OTUD7A: variants seen among roughly 807,000 people sequenced by gnomAD.
The protein encoded by OTUD7A is OTU domain-containing protein 7A.
In OTUD7A, 12 loss-of-function variants were observed where a neutral mutation model predicts 65.7. The ratio of observed to expected loss-of-function variants is 0.18; its 90% CI spans 0.12 to 0.30. The LOEUF (loss-of-function observed/expected upper bound fraction) is 0.30. OTUD7A is among the 10% of genes least tolerant of loss of function. The pLI is 1.00. For missense variants in OTUD7A, 1,148 were observed against 1,304.8 expected (o/e 0.88, Z 1.85); for synonymous variants, 641 against 586.3 (o/e 1.09, Z -1.35).
chr15:31,519,475 A>G (rs1320390481), intron 8 of OTUD7A, among the ~76,000 whole-genome samples: 1 of 152,222 alleles, frequency 6.6e-6, no homozygotes, highest in African/African-American at 2.4e-5. Flanking sequence ...AATCCTCAAC[A>G]AACTAGGCAT....
At chr15:31,860,691 A>ATATATATATATATATATATG (rs1897712778) in intron 1 of OTUD7A, among the ~76,000 whole-genome samples, 2 of 128,496 alleles carry the variant, frequency 1.6e-5, no homozygotes, top group Non-Finnish European at 3.3e-5. Context: ...ATATATATAT[A>ATATATATATATATATATATG]TATATATATG....
At chr15:31,754,645 T>C (rs1426705874) in intron 1 of OTUD7A, among the ~76,000 whole-genome samples, 1 of 152,180 alleles carries the variant, frequency 6.6e-6, no homozygotes, top group African/African-American at 2.4e-5. Context: ...TTGTTTGCTT[T>C]GTTGAAGATC....
chr15:31,620,820 G>A (rs1890755783), intron 3 of OTUD7A, among the ~76,000 whole-genome samples: 1 of 105,924 alleles, frequency 9.4e-6, no homozygotes, highest in Non-Finnish European at 1.7e-5. Flanking sequence ...TTTTGAATGT[G>A]TTTGCTCTTG....
intron 8 of OTUD7A, among the ~76,000 whole-genome samples, chr15:31,509,968 T>C (rs773232487): frequency 1.2e-4 from 18 of 152,098 alleles, no homozygotes; most frequent in Non-Finnish European, 2.5e-4. Flanking sequence ...TTTGCATTTA[T>C]TTTTCTCTCC....
chr15:31,635,327 A>G (rs112726139), intron 3 of OTUD7A, among the ~76,000 whole-genome samples: 3,151 of 152,278 alleles, frequency 0.021, 102 homozygotes, highest in African/African-American at 0.073. Flanking sequence ...ACTGCCCTCA[A>G]TTTTACAGAT....
intron 3 of OTUD7A, among the ~76,000 whole-genome samples, chr15:31,628,496 C>A (rs905512755): frequency 5.9e-5 from 9 of 152,212 alleles, no homozygotes; most frequent in African/African-American, 1.7e-4. Context: ...GTTACTGTAG[C>A]CTTGTAGTAT....
At chr15:31,642,559 C>G (rs1339985078) in intron 3 of OTUD7A, among the ~76,000 whole-genome samples, 3 of 151,710 alleles carry the variant, frequency 2.0e-5, no homozygotes, top group Non-Finnish European at 4.4e-5. Context: ...ACTTAGATTT[C>G]TTTAATAAAT....
chr15:31,766,272 T>C (rs1315052014), intron 1 of OTUD7A: 16 of 1,600,632 alleles, frequency 1.0e-5, no homozygotes, highest in Admixed American at 3.3e-5. Context: ...CATTGCATCA[T>C]GAAGTTTGGG....
chr15:31,817,595 T>C (rs116838084), intron 1 of OTUD7A, among the ~76,000 whole-genome samples: 3,457 of 152,278 alleles, frequency 0.023, 134 homozygotes, highest in African/African-American at 0.079. Flanking sequence ...TCAGGACATG[T>C]TGGCAATTTC....
chr15:31,857,771 C>T (rs1897615302), intron 1 of OTUD7A, among the ~76,000 whole-genome samples: 1 of 152,186 alleles, frequency 6.6e-6, no homozygotes, highest in Non-Finnish European at 1.5e-5. Flanking sequence ...CACTTGATTG[C>T]TCACTTTTTC....
intron 1 of OTUD7A, among the ~76,000 whole-genome samples, chr15:31,757,491 G>A (rs1010104636): frequency 6.6e-6 from 1 of 151,878 alleles, no homozygotes; most frequent in African/African-American, 2.4e-5. Flanking sequence ...GAGGACAACT[G>A]CAATATTATT....
At chr15:31,589,347 T>G (rs1889647839) in intron 3 of OTUD7A, among the ~76,000 whole-genome samples, 1 of 151,322 alleles carries the variant, frequency 6.6e-6, no homozygotes, top group South Asian at 2.1e-4. Flanking sequence ...TCACACAGGC[T>G]GGCGTGTAGT....
chr15:31,838,207 A>T (rs1475231337), intron 1 of OTUD7A, among the ~76,000 whole-genome samples: 5 of 152,266 alleles, frequency 3.3e-5, no homozygotes, highest in Non-Finnish European at 7.3e-5. Context: ...ACCTAGCACT[A>T]CATGAAAAGG....
intron 1 of OTUD7A, among the ~76,000 whole-genome samples, chr15:31,752,832 C>A (rs910397766): frequency 1.3e-5 from 2 of 151,950 alleles, no homozygotes; most frequent in African/African-American, 4.8e-5. Flanking sequence ...ATAACAAAGT[C>A]TGAGTAAACA....
chr15:31,798,426 C>A (rs553592618), intron 1 of OTUD7A, among the ~76,000 whole-genome samples: 1 of 152,054 alleles, frequency 6.6e-6, no homozygotes, highest in Non-Finnish European at 1.5e-5. Context: ...TGGCCATGGA[C>A]AAGTCAGAGC....
At chr15:31,592,041 A>C (rs1156937659) in intron 3 of OTUD7A, among the ~76,000 whole-genome samples, 1 of 152,180 alleles carries the variant, frequency 6.6e-6, no homozygotes, top group East Asian at 1.9e-4. Flanking sequence ...AAAAAATAAA[A>C]AATGGTACAC....
chr15:31,868,152 G>A (rs1273360078), intron 1 of OTUD7A, among the ~76,000 whole-genome samples: 1 of 152,226 alleles, frequency 6.6e-6, no homozygotes, highest in Admixed American at 6.5e-5. Context: ...AGAAACGGAA[G>A]ATGTGACAGT....
intron 1 of OTUD7A, among the ~76,000 whole-genome samples, chr15:31,760,936 GT>G (rs958913410): frequency 1.3e-5 from 2 of 151,300 alleles, no homozygotes; most frequent in Non-Finnish European, 2.9e-5. Flanking sequence ...TTGTTTTTTT[GT>G]TTTTTTAACA....
chr15:31,753,683 TG>T lies in OTUD7A; in HGVS notation c.-99-96607del, dbSNP rs1567004709. ...CCATCATATATATATATATAACCTG[TG>T]AGATATATATATATATATTATATAT... is the stretch of plus-strand genomic sequence containing the variant. On this transcript the variant is annotated intron_variant, in intron 1 of 12. Transcript: ENST00000307050. Among the ~76,000 whole-genome samples the T allele has an allele frequency of 2.4e-3, 212 of 88,348 alleles. 4 individuals are homozygous for T. The highest frequency in any genetic ancestry group is 7.3e-3 in the African/African-American group (203 of 27,768). The allele number at this position is 88,348 out of a possible 152,430, so 58.0% of individuals were successfully genotyped here.
Sources: gnomAD v4.1 joint callset for allele counts (sites outside exome capture counted in the v4.1 genomes callset) on GRCh38, gnomAD v4.1.1 for gene constraint, MANE v1.5 for transcripts, NCBI Gene and HGNC (gene_info 2026-07-23, HGNC 2026-07-21) for gene names.